The following SORCS1 variants were observed in gnomAD, a reference collection of about 807,000 sequenced individuals.
SORCS1 encodes VPS10 domain-containing receptor SorCS1.
A neutral mutation model predicts 146.1 loss-of-function variants in SORCS1; 60 were observed. The ratio of observed to expected loss-of-function variants is 0.41; its 90% CI spans 0.33 to 0.51. The LOEUF is 0.51. Ranked by LOEUF, SORCS1 falls within the 20% of genes least tolerant of loss-of-function variation. The pLI is 0.21. For missense variants in SORCS1, 1,352 were observed against 1,487.6 expected, an observed-to-expected ratio of 0.91 and a Z score of 1.50; for synonymous variants, 637 against 584.0, an observed-to-expected ratio of 1.09 and a Z score of -1.31.
intron 2 of SORCS1, among the ~76,000 whole-genome samples, chr10:106,862,982 TA>T (rs1490270776): frequency 6.6e-6 from 1 of 152,114 alleles, no homozygotes; most frequent in Non-Finnish European, 1.5e-5. Context: ...ACTCGTCGAT[TA>T]AAAAAATTTT....
At chr10:106,622,442 G>C (rs1022842823) in intron 19 of SORCS1, among the ~76,000 whole-genome samples, 10 of 151,902 alleles carry the variant, frequency 6.6e-5, no homozygotes, top group African/African-American at 2.4e-4. Context: ...CATACACAAA[G>C]ACTAGCAGAG....
intron 5 of SORCS1, among the ~76,000 whole-genome samples, chr10:106,751,672 G>A (rs1471733975): frequency 6.6e-6 from 1 of 152,106 alleles, no homozygotes; most frequent in Non-Finnish European, 1.5e-5. Context: ...CAGTGATTTA[G>A]AATTCTGGCA....
chr10:106,580,847 C>A (rs1054043471), intron 24 of SORCS1, among the ~76,000 whole-genome samples: 1 of 152,134 alleles, frequency 6.6e-6, no homozygotes, highest in Non-Finnish European at 1.5e-5. Flanking sequence ...ATGAAAGCCA[C>A]CCCTTCCTTC....
Position 106,949,072 on chromosome 10 carries a change from C to T in SORCS1, c.626+7441G>A, listed in dbSNP as rs12767865. Reference sequence around the variant, plus strand: ...ACAAAAGAATCTAGAATCCAAAAAGCCACAATCCAGAACACCTCCGGATCC... The same window carrying T: ...ACAAAAGAATCTAGAATCCAAAAAGTCACAATCCAGAACACCTCCGGATCC... On this transcript the variant is annotated intron_variant, in intron 2 of 25. Transcript: ENST00000263054. 9.2e-3 allele frequency among the ~76,000 whole-genome samples: 1,405 copies of T among 152,198 alleles called. 10 individuals are homozygous for T. The highest frequency in any genetic ancestry group is 0.011 in the Non-Finnish European group (765 of 68,010).
Position 106,871,388 on chromosome 10 carries a change from G to T in SORCS1, c.627-41715C>A, listed in dbSNP as rs189525810. Reference sequence around the variant, plus strand: ...TTCCACCCAGCAATCCCATTACTGGGAATCCCATTACTGGAGGAATACAAA... The same window carrying T: ...TTCCACCCAGCAATCCCATTACTGGTAATCCCATTACTGGAGGAATACAAA... On this transcript the variant is annotated intron_variant, in intron 2 of 25. Transcript: ENST00000263054. Among the ~76,000 whole-genome samples the T allele has an allele frequency of 4.6e-5, 7 of 152,232 alleles. No homozygotes were observed. The East Asian group carries it at 1.2e-3, about 25-fold the overall frequency.
intron 1 of SORCS1, among the ~76,000 whole-genome samples, chr10:107,001,476 T>A (rs933411289): frequency 6.6e-6 from 1 of 152,126 alleles, no homozygotes; most frequent in African/African-American, 2.4e-5. Context: ...GGGGGTTCAA[T>A]CTGGGATAGG....
intron 1 of SORCS1, among the ~76,000 whole-genome samples, chr10:107,048,168 T>C (rs2134030842): frequency 6.6e-6 from 1 of 152,204 alleles, no homozygotes; most frequent in Non-Finnish European, 1.5e-5. Context: ...GTTTTGTACC[T>C]TTCTTATTGC....
At chr10:106,685,359 A>G (rs1334325873) in intron 10 of SORCS1, among the ~76,000 whole-genome samples, 1 of 152,112 alleles carries the variant, frequency 6.6e-6, no homozygotes, top group Non-Finnish European at 1.5e-5. Context: ...AAACACAGGC[A>G]CCGTCCCTAG....
chr10:107,134,240 T>C (rs35267372), intron 1 of SORCS1, among the ~76,000 whole-genome samples: 33,031 of 152,214 alleles, frequency 0.22, 4,597 homozygotes, highest in Middle Eastern at 0.32. Flanking sequence ...GAAGTAACTA[T>C]CATTTTACTG....
At chr10:107,034,861 T>G (rs541129241) in intron 1 of SORCS1, among the ~76,000 whole-genome samples, 7 of 152,070 alleles carry the variant, frequency 4.6e-5, no homozygotes, top group Middle Eastern at 6.8e-3. Flanking sequence ...ATAAACGGTA[T>G]GTTTTATTTT....
At position 106,620,421 on chromosome 10, in the gene SORCS1, A is replaced by G. The variant is rs1295549781; in HGVS notation, c.2796+7T>C. ...GTCCCTAGATCGCATGTGGAAGGTG[A>G]ACCCACCTCCGTGTTGTTTCCGTAC... On this transcript the variant is annotated splice_region_variant and intron_variant, in intron 20 of 25. Coordinates refer to ENST00000263054, the MANE Select transcript of SORCS1 (RefSeq NM_052918.5). 1 of 1,610,350 alleles carries G rather than the reference A, an allele frequency of 6.2e-7. No homozygotes were observed. The highest frequency in any genetic ancestry group is 1.7e-5 in the Admixed American group (1 of 59,688).
chr10:106,943,558 A>C (rs937464289), intron 2 of SORCS1, among the ~76,000 whole-genome samples: 7 of 152,086 alleles, frequency 4.6e-5, no homozygotes, highest in African/African-American at 1.7e-4. Flanking sequence ...CTGTAATCCC[A>C]GCGCTTTGGG....
At chr10:106,734,402 A>G (rs1252352467) in intron 5 of SORCS1, among the ~76,000 whole-genome samples, 1 of 152,176 alleles carries the variant, frequency 6.6e-6, no homozygotes, top group Non-Finnish European at 1.5e-5. Context: ...CCTTTCTGAG[A>G]CTTTCAGAAT....
intron 1 of SORCS1, among the ~76,000 whole-genome samples, chr10:107,091,629 G>A (rs751609826): frequency 6.6e-6 from 1 of 152,004 alleles, no homozygotes; most frequent in Non-Finnish European, 1.5e-5. Context: ...GCTACATTAA[G>A]GATCCAGGTG....
intron 2 of SORCS1, among the ~76,000 whole-genome samples, chr10:106,924,764 A>ATTTTTTTT (rs368269912): frequency 1.0e-5 from 1 of 99,916 alleles, no homozygotes; most frequent in Non-Finnish European, 2.4e-5. Context: ...AACTGCATGG[A>ATTTTTTTT]TTTTTTTTTT....
At chr10:107,040,842 C>A (rs1267060637) in intron 1 of SORCS1, among the ~76,000 whole-genome samples, 2 of 152,022 alleles carry the variant, frequency 1.3e-5, no homozygotes, top group Non-Finnish European at 2.9e-5. Context: ...TGGTATTTAC[C>A]AGCGTTGGAA....
chr10:106,586,892 G>A (rs751962610), intron 24 of SORCS1, among the ~76,000 whole-genome samples: 3 of 152,178 alleles, frequency 2.0e-5, no homozygotes, highest in Non-Finnish European at 4.4e-5. Context: ...GGTGTTCAAG[G>A]CTGTAGTGAG....
At chr10:106,710,140 T>C (rs1045544509) in intron 6 of SORCS1, among the ~76,000 whole-genome samples, 20 of 152,166 alleles carry the variant, frequency 1.3e-4, no homozygotes, top group African/African-American at 3.9e-4. Context: ...AGGGTTTTTC[T>C]TTCATAATTC....
intron 1 of SORCS1, among the ~76,000 whole-genome samples, chr10:107,009,358 C>T (rs1406278307): frequency 1.3e-5 from 2 of 152,164 alleles, no homozygotes. Flanking sequence ...TCACAAATCA[C>T]AGACATTTTA....
Sources: allele counts gnomAD v4.1 joint callset (sites outside exome capture counted in the v4.1 genomes callset), GRCh38; gene constraint gnomAD v4.1.1; transcripts MANE v1.5; gene names NCBI Gene and HGNC (gene_info 2026-07-23, HGNC 2026-07-21).